GALM: variants seen among roughly 807,000 people sequenced by gnomAD.
The protein encoded by GALM is galactose mutarotase, also known as aldose 1-epimerase.
A neutral mutation model predicts 37.4 loss-of-function variants in GALM; 43 were observed. The ratio of observed to expected loss-of-function variants is 1.15; its 90% CI spans 0.90 to 1.48. The LOEUF (loss-of-function observed/expected upper bound fraction) is 1.48. Ranked by LOEUF, GALM falls within the 40% of genes most tolerant of loss-of-function variation. The probability of loss-of-function intolerance (pLI) is 0.00; values close to 1 mark genes in which losing one functional copy is unlikely to be tolerated. For missense variants in GALM, 456 were observed against 419.1 expected (o/e 1.09, Z -0.77); for synonymous variants, 199 against 170.6 (o/e 1.17, Z -1.30).
intron 4 of GALM, among the ~76,000 whole-genome samples, chr2:38,705,878 C>G (rs1371201223): frequency 6.6e-6 from 1 of 152,100 alleles, no homozygotes; most frequent in African/African-American, 2.4e-5. Flanking sequence ...TGTGCTGTCG[C>G]CCAGGCTGGA....
rs1665833406 is a variant in GALM, at chr2:38,697,374, C to T, written c.634+7480C>T. On this transcript the variant is annotated intron_variant, in intron 4 of 6. Coordinates refer to ENST00000272252, the MANE Select transcript of GALM (RefSeq NM_138801.3). ...TTGCTTCTCAGATTGTATCTTTCTG[C>T]AAGACAAAGATGTTTTCATAGTCTC... is the stretch of plus-strand genomic sequence containing the variant. Among the ~76,000 whole-genome samples, 4 of 152,134 alleles carry T rather than the reference C, an allele frequency of 2.6e-5. No individual in the cohort carries two copies. In the South Asian group the frequency reaches 8.3e-4, roughly 31 times the overall value.
chr2:38,733,445 G>A, intron 6 of GALM, 43 bp from the exon 7 acceptor site: 1 of 1,519,492 alleles, frequency 6.6e-7, no homozygotes, highest in Non-Finnish European at 9.1e-7. Context: ...TAATGTTGCA[G>A]CCTGCGGTGT....
chr2:38,675,526 G>GT (rs869119386), intron 1 of GALM, among the ~76,000 whole-genome samples: 18 of 74,606 alleles, frequency 2.4e-4, no homozygotes, highest in South Asian at 1.2e-3. Flanking sequence ...GGGTTTTTTT[G>GT]TTTTTTTTTT....
chr2:38,728,959 C>T (rs1274948401), intron 4 of GALM, among the ~76,000 whole-genome samples: 1 of 152,194 alleles, frequency 6.6e-6, no homozygotes, highest in Non-Finnish European at 1.5e-5. Flanking sequence ...GTACTTGATT[C>T]AGCTAGAACA....
intron 4 of GALM, among the ~76,000 whole-genome samples, chr2:38,699,497 C>T (rs1325258528): frequency 1.3e-5 from 2 of 152,140 alleles, no homozygotes; most frequent in South Asian, 2.1e-4. Flanking sequence ...CTTATTCCCC[C>T]TATCTAGCTG....
chr2:38,674,949 C>T (rs1006281404), intron 1 of GALM, among the ~76,000 whole-genome samples: 1 of 152,122 alleles, frequency 6.6e-6, no homozygotes, highest in African/African-American at 2.4e-5. Flanking sequence ...CCGAGTTGGG[C>T]AGATCACCTG....
intron 4 of GALM, among the ~76,000 whole-genome samples, chr2:38,715,017 T>C (rs1371253665): frequency 6.6e-6 from 1 of 152,178 alleles, no homozygotes; most frequent in Non-Finnish European, 1.5e-5. Context: ...CTAATAATAT[T>C]TGCTTTATAT....
Position 38,717,914 on chromosome 2 carries a change from A to G in GALM, c.635-11642A>G, listed in dbSNP as rs974828196. ...CAGTGGCACAATCACAGCTCACTGC[A>G]GCCTTAACCTCCTGGGCTTAAACGA... is the stretch of plus-strand genomic sequence containing the variant. On this transcript the variant is annotated intron_variant, in intron 4 of 6. Transcript: ENST00000272252. Among the ~76,000 whole-genome samples the G allele has an allele frequency of 7.9e-5, 12 of 151,822 alleles. 1 individual carries two copies. In the South Asian group the frequency reaches 2.4e-3, roughly 30 times the overall value.
Position 38,666,342 on chromosome 2 carries a change from G to C in GALM, c.181G>C (p.Glu61Gln). The change falls in exon 1 of 7, where the codon GAG becomes CAG. Residue 61 changes from glutamate (E) to glutamine (Q), a missense_variant. Coordinates refer to ENST00000272252, the MANE Select transcript of GALM (RefSeq NM_138801.3). Reference protein sequence around the residue: ...RASDVVLGFAELEGYLQKQPY... With the variant: ...RASDVVLGFAQLEGYLQKQPY... ...CTCGGACGTGGTGCTTGGCTTCGCC[G>C]AGTTGGAAGGTGGGTTGAACTGTGC... is the stretch of plus-strand genomic sequence containing the variant. 6.2e-7 allele frequency: 1 copy of C among 1,611,144 alleles called. No homozygotes were observed. The highest frequency in any genetic ancestry group is 1.3e-5 in the African/African-American group (1 of 74,986).
intron 4 of GALM, chr2:38,698,459 G>T: frequency 8.1e-7 from 1 of 1,227,784 alleles, no homozygotes; most frequent in East Asian, 5.7e-5. Context: ...GCTGTGTTTG[G>T]ATGTTAGCAG....
intron 4 of GALM, among the ~76,000 whole-genome samples, chr2:38,710,876 C>G (rs1280358653): frequency 6.6e-6 from 1 of 151,538 alleles, no homozygotes; most frequent in African/African-American, 2.4e-5. Context: ...GCCTCAGCCT[C>G]CCGAGTAGCT....
chr2:38,707,253 G>T (rs1201032242), intron 4 of GALM, among the ~76,000 whole-genome samples: 3 of 152,138 alleles, frequency 2.0e-5, no homozygotes, highest in Non-Finnish European at 4.4e-5. Flanking sequence ...AGAAATGACA[G>T]CTGGAGGCAT....
At chr2:38,732,835 C>T (rs938780809) in intron 6 of GALM, among the ~76,000 whole-genome samples, 6 of 151,440 alleles carry the variant, frequency 4.0e-5, no homozygotes, top group Middle Eastern at 3.4e-3. Context: ...TGGGAGGATC[C>T]CTGAGCCTGG....
intron 4 of GALM, among the ~76,000 whole-genome samples, chr2:38,722,319 C>T (rs1242517914): frequency 6.6e-6 from 1 of 152,160 alleles, no homozygotes. Context: ...CCCTCCACAG[C>T]TGTCATCATG....
chr2:38,722,562 C>T (rs934192765), intron 4 of GALM, among the ~76,000 whole-genome samples: 1 of 152,186 alleles, frequency 6.6e-6, no homozygotes, highest in African/African-American at 2.4e-5. Flanking sequence ...TTCTCCCTGC[C>T]GACACCCCTG....
At chr2:38,698,039 G>T (rs1230656511) in intron 4 of GALM, among the ~76,000 whole-genome samples, 1 of 151,880 alleles carries the variant, frequency 6.6e-6, no homozygotes, top group Non-Finnish European at 1.5e-5. Flanking sequence ...CGCCTTCCGG[G>T]TTCAAATGAT....
intron 4 of GALM, among the ~76,000 whole-genome samples, chr2:38,691,653 C>T (rs1665674833): frequency 1.3e-5 from 2 of 151,720 alleles, no homozygotes; most frequent in South Asian, 4.2e-4. Context: ...CTGCACTCTA[C>T]CCTGGGCAAC....
intron 3 of GALM, among the ~76,000 whole-genome samples, chr2:38,686,516 G>C (rs1665543611): frequency 1.3e-5 from 2 of 151,748 alleles, no homozygotes; most frequent in African/African-American, 2.4e-5. Context: ...CACCCACCTT[G>C]GCCTCCCAAA....
chr2:38,682,196 C>A (rs921378030), intron 3 of GALM: 16 of 414,100 alleles, frequency 3.9e-5, no homozygotes, highest in Non-Finnish European at 6.6e-5. Context: ...TGCTGACAAC[C>A]CCCCTTAAGT....
Sources: allele counts gnomAD v4.1 joint callset (sites outside exome capture counted in the v4.1 genomes callset), GRCh38; gene constraint gnomAD v4.1.1; transcripts MANE v1.5; gene names NCBI Gene and HGNC (gene_info 2026-07-23, HGNC 2026-07-21).